The following MMRN1 variants were observed in gnomAD, a reference collection of about 807,000 sequenced individuals.
The protein encoded by MMRN1 is multimerin-1.
Under a neutral mutation model 100.7 loss-of-function variants are expected in MMRN1, and 94 were observed. The observed-to-expected ratio is 0.93, with a 90% CI of 0.79 to 1.11. The LOEUF is 1.11. MMRN1 is among the 50% of genes least tolerant of loss of function. The pLI, the probability that MMRN1 is intolerant of heterozygous loss-of-function variation, is 0.00. For synonymous variants in MMRN1, 575 were observed against 505.0 expected, an observed-to-expected ratio of 1.14 and a Z score of -1.86; for missense variants, 1,606 against 1,439.1, an observed-to-expected ratio of 1.12 and a Z score of -1.88.
rs772096895 is a variant in MMRN1, at chr4:89,935,656, TCAGA to T, written c.1983_1986del (p.Thr662Ter). 6.2e-7 allele frequency: 1 copy of T among 1,613,356 alleles called. No homozygotes were observed. Reference sequence around the variant, plus strand: ...CCCTTGCTTGAGCAGGGAGCATCACTCAGACAGACAATGACATATGAACAACCAA... The same window carrying T: ...CCCTTGCTTGAGCAGGGAGCATCACTCAGACAATGACATATGAACAACCAA... On this transcript the variant is annotated frameshift_variant, in exon 6 of 8. Transcript: ENST00000264790. LOFTEE classifies it high-confidence loss of function.
intron 5 of MMRN1, among the ~76,000 whole-genome samples, chr4:89,931,683 G>A (rs928035191): frequency 6.6e-6 from 1 of 152,160 alleles, no homozygotes; most frequent in African/African-American, 2.4e-5. Flanking sequence ...ATGGTGGCAG[G>A]CAAGAGAGCA....
intron 6 of MMRN1, among the ~76,000 whole-genome samples, chr4:89,946,317 G>A (rs375171811): frequency 3.0e-4 from 46 of 152,208 alleles, no homozygotes; most frequent in Admixed American, 1.6e-3. Flanking sequence ...AAGTTCCCTC[G>A]CTAATCTCTT....
At chr4:89,942,003 C>A (rs900072496) in intron 6 of MMRN1, among the ~76,000 whole-genome samples, 1 of 152,128 alleles carries the variant, frequency 6.6e-6, no homozygotes, top group African/African-American at 2.4e-5. Context: ...AATTGACAAC[C>A]TTTTCTGTCA....
chr4:89,920,778 C>A (rs1722062356), intron 3 of MMRN1, among the ~76,000 whole-genome samples: 1 of 151,702 alleles, frequency 6.6e-6, no homozygotes, highest in African/African-American at 2.4e-5. Flanking sequence ...CTAACCAGGG[C>A]CATATATAGA....
intron 1 of MMRN1, among the ~76,000 whole-genome samples, chr4:89,897,230 G>C (rs1721234267): frequency 6.8e-6 from 1 of 147,476 alleles, no homozygotes; most frequent in Non-Finnish European, 1.5e-5. Context: ...TTTTTTTTGA[G>C]ACGGAGTCTC....
upstream of MMRN1, among the ~76,000 whole-genome samples, chr4:89,890,749 G>A (rs780902864): frequency 5.3e-5 from 8 of 152,124 alleles, no homozygotes; most frequent in Non-Finnish European, 1.2e-4. Context: ...TATAAAATCA[G>A]CAATGACATG....
chr4:89,879,840 T>G (rs1027036921), intron 1 of MMRN1, among the ~76,000 whole-genome samples: 3 of 152,110 alleles, frequency 2.0e-5, no homozygotes, highest in Non-Finnish European at 2.9e-5. Context: ...CATGTGAAAA[T>G]AGCCTGAAGA....
intron 1 of MMRN1, among the ~76,000 whole-genome samples, chr4:89,898,344 G>A (rs1463073093): frequency 6.6e-6 from 1 of 151,962 alleles, no homozygotes; most frequent in Non-Finnish European, 1.5e-5. Context: ...GAGGGATTAA[G>A]TAGCTTACCT....
At chr4:89,932,139 T>C (rs532946611) in intron 5 of MMRN1, among the ~76,000 whole-genome samples, 4 of 152,166 alleles carry the variant, frequency 2.6e-5, no homozygotes, top group Non-Finnish European at 5.9e-5. Flanking sequence ...ACATTGGCCA[T>C]AACAAAGGGG....
At chr4:89,938,951 G>A (rs911866897) in intron 6 of MMRN1, among the ~76,000 whole-genome samples, 8 of 151,976 alleles carry the variant, frequency 5.3e-5, no homozygotes, top group African/African-American at 1.9e-4. Flanking sequence ...GCAACATAAT[G>A]TATGGGACCC....
At chr4:89,925,721 T>C (rs1722235887) in intron 4 of MMRN1, among the ~76,000 whole-genome samples, 1 of 151,958 alleles carries the variant, frequency 6.6e-6, no homozygotes, top group Non-Finnish European at 1.5e-5. Flanking sequence ...TCCCAGCTAC[T>C]GGGAAGGCTG....
intron 1 of MMRN1, among the ~76,000 whole-genome samples, chr4:89,904,546 T>C (rs1022554525): frequency 6.6e-6 from 1 of 151,814 alleles, no homozygotes; most frequent in African/African-American, 2.4e-5. Flanking sequence ...ATATTTGTCC[T>C]TTTGTGTCTT....
Position 89,927,890 on chromosome 4 carries a change from G to A in MMRN1, c.1051G>A (p.Asp351Asn). ...TGACAATATTTCTTTGACTGTGAAT[G>A]ATGTAAGGAACACTTACTCCTCCCT... ...KIDNISLTVN[D>N]VRNTYSSLEG... The change falls in exon 5 of 8, where the codon GAT becomes AAT. Residue 351 changes from aspartate to asparagine, a missense_variant. Transcript: ENST00000264790. The A allele has an allele frequency of 6.2e-7, 1 of 1,611,602 alleles. No homozygotes were observed.
intron 6 of MMRN1, among the ~76,000 whole-genome samples, chr4:89,938,178 A>G (rs940924441): frequency 8.6e-5 from 13 of 151,906 alleles, no homozygotes; most frequent in Admixed American, 7.9e-4. Flanking sequence ...GAGTTGAATT[A>G]TCTCTACTAT....
At chr4:89,880,014 G>A (rs2110565454) in intron 1 of MMRN1, among the ~76,000 whole-genome samples, 1 of 152,262 alleles carries the variant, frequency 6.6e-6, no homozygotes, top group Admixed American at 6.5e-5. Flanking sequence ...ACTGCTCTGG[G>A]TATAGAAACC....
intron 5 of MMRN1, among the ~76,000 whole-genome samples, chr4:89,931,460 C>CT (rs1393203961): frequency 6.6e-6 from 1 of 152,082 alleles, no homozygotes. Context: ...ATTGTACAGA[C>CT]TTTCCTGTCT....
At chr4:89,909,176 T>C in intron 1 of MMRN1, 100 bp from the exon 2 acceptor site, 2 of 1,286,586 alleles carry the variant, frequency 1.6e-6, no homozygotes, top group Non-Finnish European at 1.1e-6. Flanking sequence ...TTCTGATCTA[T>C]AGTATGGCAA....
At chr4:89,921,153 C>T (rs548551071) in intron 3 of MMRN1, among the ~76,000 whole-genome samples, 1 of 147,718 alleles carries the variant, frequency 6.8e-6, no homozygotes, top group Non-Finnish European at 1.5e-5. Context: ...TTCAAATGCA[C>T]CAGCTCTTTT....
intron 1 of MMRN1, among the ~76,000 whole-genome samples, chr4:89,880,469 T>C (rs921157718): frequency 6.6e-6 from 1 of 152,136 alleles, no homozygotes; most frequent in African/African-American, 2.4e-5. Context: ...TGCCCTTCTA[T>C]TGGCATCAGA....
Sources: gnomAD v4.1 joint callset for allele counts (sites outside exome capture counted in the v4.1 genomes callset) on GRCh38, gnomAD v4.1.1 for gene constraint, MANE v1.5 for transcripts, NCBI Gene and HGNC (gene_info 2026-07-23, HGNC 2026-07-21) for gene names.